OLFM4: variants seen among roughly 807,000 people sequenced by gnomAD.
The protein encoded by OLFM4 is olfactomedin-4.
In OLFM4, 22 loss-of-function variants were observed where a neutral mutation model predicts 25.5. The observed-to-expected ratio is 0.86, with a 90% CI of 0.62 to 1.23. The LOEUF (loss-of-function observed/expected upper bound fraction) is 1.23, where lower values mean the gene tolerates loss of function less well. Among genes scored for constraint, OLFM4 ranks in the 50% most tolerant of loss-of-function variants. The pLI is 0.00. For synonymous variants in OLFM4, 255 were observed against 237.7 expected (o/e 1.07, Z -0.67); for missense variants, 594 against 619.4 (o/e 0.96, Z 0.44).
intron 3 of OLFM4, 63 bp downstream of exon 3, chr13:53,042,185 G>T (rs1476169343): frequency 7.2e-7 from 1 of 1,380,950 alleles, no homozygotes; most frequent in South Asian, 1.2e-5. Context: ...CTGTAAGCAA[G>T]TACTAGTACC....
rs1304781941 is a variant in OLFM4, at chr13:53,028,967, C to G, written c.131C>G (p.Ser44Cys). Residue 44 changes from serine (S) to cysteine (C), a missense_variant, in exon 1 of 5, where the codon TCC (serine) becomes TGC (cysteine). Physicochemically the swap from Ser to Cys is moderately radical, Grantham distance 112. Transcript: ENST00000219022. ...FSSFPGVDSSSSFSSSSRSGS... is the reference protein window; with the variant it reads ...FSSFPGVDSSCSFSSSSRSGS... ...TCTTTCCCAGGTGTTGACTCCAGCT[C>G]CAGCTTCAGCTCCAGCTCCAGGTCG... 6.2e-7 allele frequency: 1 copy of G among 1,613,896 alleles called. No homozygotes were observed. Among genetic ancestry groups the G allele is most frequent in the Non-Finnish European group, 8.5e-7 (1 of 1,179,784 alleles).
Position 53,050,684 on chromosome 13 carries a change from C to T in OLFM4, c.1446C>T (p.Asn482=). ...TGCAGGAAAAAGTGCAGAGCATTAACTATAACCCTTTTGACCAGAAACTTT... is the reference window on the plus strand; with the variant it reads ...TGCAGGAAAAAGTGCAGAGCATTAATTATAACCCTTTTGACCAGAAACTTT... ...HKMQEKVQSI[N]YNPFDQKLYV... Residue 482 remains asparagine (N), a synonymous_variant, in exon 5 of 5, where the codon AAC becomes AAT. Coordinates refer to ENST00000219022, the MANE Select transcript of OLFM4 (RefSeq NM_006418.5). 1 of 1,613,860 alleles carries T rather than the reference C, an allele frequency of 6.2e-7. No homozygotes were observed. Among genetic ancestry groups the T allele is most frequent in the Non-Finnish European group, 8.5e-7 (1 of 1,179,912 alleles).
At chr13:53,041,379 A>C (rs1409078792) in intron 2 of OLFM4, among the ~76,000 whole-genome samples, 1 of 152,214 alleles carries the variant, frequency 6.6e-6, no homozygotes, top group Admixed American at 6.5e-5. Context: ...AAGAACAGAA[A>C]ACCAAATACC....
intron 1 of OLFM4, among the ~76,000 whole-genome samples, chr13:53,033,211 A>G (rs1432564807): frequency 2.0e-5 from 3 of 152,216 alleles, no homozygotes; most frequent in African/African-American, 7.2e-5. Flanking sequence ...ATGCGGTGGC[A>G]CTGAAGTGTG....
At chr13:53,044,151 A>G (rs1332478166) in intron 4 of OLFM4, among the ~76,000 whole-genome samples, 1 of 152,208 alleles carries the variant, frequency 6.6e-6, no homozygotes, top group African/African-American at 2.4e-5. Flanking sequence ...GAACCTTATG[A>G]TCGGCACTCA....
chr13:53,049,755 T>C (rs1043318764), intron 4 of OLFM4, among the ~76,000 whole-genome samples: 17 of 152,158 alleles, frequency 1.1e-4, no homozygotes, highest in African/African-American at 3.6e-4. Flanking sequence ...GGAAACAGAA[T>C]GTAGTTCTCT....
At chr13:53,038,323 A>C (rs921873250) in intron 2 of OLFM4, among the ~76,000 whole-genome samples, 1 of 152,180 alleles carries the variant, frequency 6.6e-6, no homozygotes, top group African/African-American at 2.4e-5. Flanking sequence ...AGGTCAGCTA[A>C]AGACAGGGAC....
chr13:53,037,573 A>G (rs1280995300), intron 2 of OLFM4, among the ~76,000 whole-genome samples: 2 of 152,176 alleles, frequency 1.3e-5, no homozygotes, highest in Non-Finnish European at 2.9e-5. Flanking sequence ...CATTATCTCT[A>G]GTCTTTATGA....
At chr13:53,039,280 G>A (rs1954675421) in intron 2 of OLFM4, among the ~76,000 whole-genome samples, 1 of 152,156 alleles carries the variant, frequency 6.6e-6, no homozygotes, top group African/African-American at 2.4e-5. Context: ...GTAATGGATT[G>A]GCACTTTATT....
chr13:53,041,907 C>T lies in OLFM4; in HGVS notation c.358-3C>T. 1 of 1,610,346 alleles carries T rather than the reference C, an allele frequency of 6.2e-7. No individual in the cohort carries two copies. The highest frequency in any genetic ancestry group is 8.5e-7 in the Non-Finnish European group (1 of 1,176,794). Reference sequence around the variant, plus strand: ...TGGCTTGAACCTTTTGATTTTCTTTCAGGTGAGGGAATATGTCCAATTAAT... The same window carrying T: ...TGGCTTGAACCTTTTGATTTTCTTTTAGGTGAGGGAATATGTCCAATTAAT... On this transcript the variant is annotated splice_polypyrimidine_tract_variant and splice_region_variant and intron_variant, in intron 2 of 4. Coordinates refer to ENST00000219022, the MANE Select transcript of OLFM4 (RefSeq NM_006418.5).
intron 2 of OLFM4, among the ~76,000 whole-genome samples, chr13:53,035,099 T>C (rs1470257527): frequency 6.6e-6 from 1 of 151,920 alleles, no homozygotes; most frequent in African/African-American, 2.4e-5. Flanking sequence ...TTTCCCTCCT[T>C]CTTTTCCCTT....
intron 1 of OLFM4, among the ~76,000 whole-genome samples, chr13:53,031,117 G>A (rs1288293474): frequency 6.6e-6 from 1 of 152,200 alleles, no homozygotes; most frequent in East Asian, 1.9e-4. Flanking sequence ...AAAAGTAGAT[G>A]AGACATGGTA....
At chr13:53,035,670 T>C (rs1212021642) in intron 2 of OLFM4, among the ~76,000 whole-genome samples, 1 of 152,236 alleles carries the variant, frequency 6.6e-6, no homozygotes, top group Non-Finnish European at 1.5e-5. Flanking sequence ...TTACATTTGA[T>C]GTGTCCAATA....
intron 3 of OLFM4, 130 bp downstream of exon 3, chr13:53,042,252 G>T (rs746611967): frequency 1.7e-5 from 13 of 760,420 alleles, no homozygotes; most frequent in Middle Eastern, 2.7e-4. Flanking sequence ...TGGCCACATG[G>T]CATATCACTA....
In OLFM4 at chr13:53,040,446, G is replaced by A. The variant is rs184294855; in HGVS notation, c.358-1464G>A. 2.9e-3 allele frequency among the ~76,000 whole-genome samples: 440 copies of A among 152,308 alleles called. 1 individual carries two copies. The highest frequency in any genetic ancestry group is 0.01 in the African/African-American group (424 of 41,572). On this transcript the variant is annotated intron_variant, in intron 2 of 4. Transcript: ENST00000219022. The stretch of plus-strand genomic sequence containing the variant: ...ATGCCACTTTGTAAAAGGCAGAGGG[G>A]ATCAAAACTAATTGTATATGGCGAT...
chr13:53,042,091 G>A lies in OLFM4; in HGVS notation c.539G>A (p.Ser180Asn). The A allele has an allele frequency of 1.2e-6, 2 of 1,613,920 alleles. No individual in the cohort carries two copies. Among genetic ancestry groups the A allele is most frequent in the African/African-American group, 1.3e-5 (1 of 75,042 alleles). ...CAGCTGAAGGAGAGTTTTGGTGGAAGCTCAGAAATTGTTGACCAGCTGGAG... is the reference window on the plus strand; with the variant it reads ...CAGCTGAAGGAGAGTTTTGGTGGAAACTCAGAAATTGTTGACCAGCTGGAG... ...VIQLKESFGG[S>N]SEIVDQLEVE... The change falls in exon 3 of 5, where the codon AGC (serine) becomes AAC (asparagine). Residue 180 changes from serine (S) to asparagine (N), a missense_variant. By Grantham distance (46) the Ser-to-Asn change is conservative (BLOSUM62 1). Transcript: ENST00000219022.
intron 2 of OLFM4, among the ~76,000 whole-genome samples, chr13:53,035,043 TG>T (rs377686496): frequency 1.3e-5 from 2 of 151,962 alleles, no homozygotes; most frequent in Non-Finnish European, 2.9e-5. Context: ...AATTCTTTTT[TG>T]GGGGGGACAT....
At chr13:53,039,643 C>T (rs1463384474) in intron 2 of OLFM4, among the ~76,000 whole-genome samples, 1 of 151,974 alleles carries the variant, frequency 6.6e-6, no homozygotes, top group Non-Finnish European at 1.5e-5. Flanking sequence ...CATTTTCTGT[C>T]AGAGTCTTAA....
Position 53,050,097 on chromosome 13 carries a change from C to T in OLFM4, c.859C>T (p.Leu287=). 6.2e-7 allele frequency: 1 copy of T among 1,613,942 alleles called. No homozygotes were observed. The highest frequency in any genetic ancestry group is 8.5e-7 in the Non-Finnish European group (1 of 1,179,940). ...DYSPQHPNKG[L]YWVAPLNTDG... is the part of the protein sequence containing the mutation. ...CTCTCCCCAGCATCCAAACAAAGGA[C>T]TGTATTGGGTGGCGCCATTGAATAC... The change falls in exon 5 of 5, where the codon CTG becomes TTG. Residue 287 remains leucine, a synonymous_variant. Transcript: ENST00000219022.
Sources: allele counts gnomAD v4.1 joint callset (sites outside exome capture counted in the v4.1 genomes callset), GRCh38; gene constraint gnomAD v4.1.1; transcripts MANE v1.5; gene names NCBI Gene and HGNC (gene_info 2026-07-23, HGNC 2026-07-21).